The following AADACL4 variants were observed in gnomAD, a reference collection of about 807,000 sequenced individuals.
AADACL4 encodes arylacetamide deacetylase like 4.
AADACL4 carries 9 observed loss-of-function variants against 14.1 expected under a neutral mutation model. The ratio of observed to expected loss-of-function variants is 0.64; its 90% confidence interval spans 0.39 to 1.12. The LOEUF (loss-of-function observed/expected upper bound fraction) is 1.12, where lower values mean the gene tolerates loss of function less well. Ranked by LOEUF, AADACL4 falls within the 50% of genes most tolerant of loss-of-function variation. The pLI, the probability that AADACL4 is intolerant of heterozygous loss-of-function variation, is 0.01. For synonymous variants in AADACL4, 188 were observed against 201.6 expected, an observed-to-expected ratio of 0.93 and a Z score of 0.57; for missense variants, 531 against 516.1, an observed-to-expected ratio of 1.03 and a Z score of -0.28.
At position 12,651,200 on chromosome 1, in the gene AADACL4, A is replaced by C; in HGVS notation, c.246A>C (p.Lys82Asn). The change falls in exon 2 of 4, where the codon AAA becomes AAC. Residue 82 changes from lysine (K) to asparagine (N), a missense_variant. By Grantham distance (94) the Lys-to-Asn change is moderately conservative. Transcript: ENST00000376221. ...TTTTACATGATAGCGTGAGAATTAA[A>C]AAGGACCCTGAACTTGTGGTGACCG... ...IRFLHDSVRI[K>N]KDPELVVTDL... 2 of 1,614,240 alleles carry C rather than the reference A, an allele frequency of 1.2e-6. No homozygotes were observed. Among genetic ancestry groups the C allele is most frequent in the Admixed American group, 3.3e-5 (2 of 60,032 alleles).
In AADACL4 at chr1:12,647,666, T is replaced by A. The variant is rs542936505; in HGVS notation, c.168+2952T>A. ...CTTTTTCTTTCTTTCTTTCTTTTTT[T>A]TTTTTTGAGACAGTCTCAGTCTCTT... On this transcript the variant is annotated intron_variant, in intron 1 of 3. Transcript: ENST00000376221. Among the ~76,000 whole-genome samples, 8 of 152,026 alleles carry A rather than the reference T, an allele frequency of 5.3e-5. No homozygotes were observed. In the South Asian group the frequency reaches 1.7e-3, roughly 32 times the overall value.
In AADACL4 at chr1:12,666,223, A is replaced by C; in HGVS notation, c.712A>C (p.Asn238His). 1 of 1,614,226 alleles carries C rather than the reference A, an allele frequency of 6.2e-7. No individual in the cohort carries two copies. The highest frequency in any genetic ancestry group is 1.1e-5 in the South Asian group (1 of 91,082). ...TTTGCAGTTGCCATCCTTTCAGCAG[A>C]ACCAAAATGTCCCATTACTTTCCCG... ...FCLQLPSFQQ[N>H]QNVPLLSRKF... Residue 238 changes from asparagine (N) to histidine (H), a missense_variant, in exon 4 of 4, where the codon AAC becomes CAC. Coordinates refer to ENST00000376221, the MANE Select transcript of AADACL4 (RefSeq NM_001013630.2).
chr1:12,657,744 C>A (rs1247558928), intron 2 of AADACL4, among the ~76,000 whole-genome samples: 3 of 152,032 alleles, frequency 2.0e-5, no homozygotes, highest in Admixed American at 6.5e-5. Flanking sequence ...ATTCTGGGAC[C>A]AAAATGGGTG....
At chr1:12,656,539 C>G (rs1647179918) in intron 2 of AADACL4, among the ~76,000 whole-genome samples, 1 of 152,200 alleles carries the variant, frequency 6.6e-6, no homozygotes, top group Non-Finnish European at 1.5e-5. Context: ...ACTTGGCATT[C>G]CAGAGAACAG....
intron 3 of AADACL4, among the ~76,000 whole-genome samples, chr1:12,662,107 A>AT (rs935320816): frequency 1.3e-5 from 2 of 152,178 alleles, no homozygotes; most frequent in African/African-American, 4.8e-5. Flanking sequence ...GATATTATGG[A>AT]TTTTTCCACA....
chr1:12,651,254 GCTGTTCCA>G lies in AADACL4; in HGVS notation c.301_308del (p.Leu101AlafsTer40). ...TGCGTTTTGGGACGATACCCGTGAG[GCTGTTCCA>G]GCCGAAGGCAGCATCCTCCAGACCC... On this transcript the variant is annotated frameshift_variant, in exon 2 of 4. Coordinates refer to ENST00000376221, the MANE Select transcript of AADACL4 (RefSeq NM_001013630.2). LOFTEE classifies it high-confidence loss of function. The G allele has an allele frequency of 6.2e-7, 1 of 1,614,224 alleles. No homozygotes were observed. The highest frequency in any genetic ancestry group is 1.7e-5 in the Admixed American group (1 of 60,026).
chr1:12,651,621 T>C (rs953585042), intron 2 of AADACL4, among the ~76,000 whole-genome samples: 17 of 152,140 alleles, frequency 1.1e-4, no homozygotes, highest in African/African-American at 4.1e-4. Flanking sequence ...GACTCCTCTC[T>C]CCCCTTTCTA....
rs1487579652 is a variant in AADACL4, at chr1:12,648,388, C to CCTTCCTTCCTTT, written c.169-2732_169-2731insCCTTCCTTTCTT. On this transcript the variant is annotated intron_variant, in intron 1 of 3. Coordinates refer to ENST00000376221, the MANE Select transcript of AADACL4 (RefSeq NM_001013630.2). The stretch of plus-strand genomic sequence containing the variant: ...TCCTTCCTTCCTTCCTTCCTTCCTT[C>CCTTCCTTCCTTT]CTTTCTTTCCTTCTTTCCTTTTTTT... Among the ~76,000 whole-genome samples the CCTTCCTTCCTTT allele has an allele frequency of 1.2e-3, 169 of 146,856 alleles. 1 individual carries two copies. The highest frequency in any genetic ancestry group is 4.1e-3 in the African/African-American group (158 of 38,536).
At chr1:12,665,167 A>G (rs576511854) in intron 3 of AADACL4, among the ~76,000 whole-genome samples, 4 of 152,286 alleles carry the variant, frequency 2.6e-5, no homozygotes, top group African/African-American at 9.6e-5. Context: ...AACTGAGACT[A>G]CAAGTGTGTG....
intron 2 of AADACL4, among the ~76,000 whole-genome samples, chr1:12,654,049 G>T (rs1047497627): frequency 3.9e-5 from 6 of 152,202 alleles, no homozygotes; most frequent in African/African-American, 1.4e-4. Context: ...TAGGGAAATA[G>T]TAGTTCCAGG....
At chr1:12,661,914 A>G in intron 3 of AADACL4, 60 bp downstream of exon 3, 1 of 1,556,254 alleles carries the variant, frequency 6.4e-7, no homozygotes, top group Non-Finnish European at 8.9e-7. Flanking sequence ...GGGTAAGTTC[A>G]TGGGTGATTT....
At chr1:12,651,375 C>A (rs535990641) in intron 2 of AADACL4, 36 bp downstream of exon 2, 5 of 1,603,480 alleles carry the variant, frequency 3.1e-6, no homozygotes, top group African/African-American at 1.3e-5. Context: ...AGAGGAAGGG[C>A]CTCATCTGCA....
intron 3 of AADACL4, among the ~76,000 whole-genome samples, chr1:12,665,478 G>C (rs1647302445): frequency 6.6e-6 from 1 of 152,150 alleles, no homozygotes; most frequent in South Asian, 2.1e-4. Flanking sequence ...ACCCGCCTTG[G>C]CCTCCCAGAG....
At position 12,666,404 on chromosome 1, in the gene AADACL4, G is replaced by A; in HGVS notation, c.893G>A (p.Gly298Asp). 1.2e-6 allele frequency: 2 copies of A among 1,614,154 alleles called. No individual in the cohort carries two copies. The highest frequency in any genetic ancestry group is 1.7e-6 in the Non-Finnish European group (2 of 1,180,036). Reference sequence around the variant, plus strand: ...ATCCCCAAGAAATTTAAGAACAGAGGCTACCAACCCTGGTCTCCCGGCCCT... The same window carrying A: ...ATCCCCAAGAAATTTAAGAACAGAGACTACCAACCCTGGTCTCCCGGCCCT... The part of the protein sequence containing the change: ...DNIPKKFKNR[G>D]YQPWSPGPFN... Residue 298 changes from glycine (G) to aspartate (D), a missense_variant, in exon 4 of 4, where the codon GGC (glycine) becomes GAC (aspartate). Coordinates refer to ENST00000376221, the MANE Select transcript of AADACL4 (RefSeq NM_001013630.2).
At chr1:12,647,813 GC>G (rs983290389) in intron 1 of AADACL4, among the ~76,000 whole-genome samples, 64 of 152,120 alleles carry the variant, frequency 4.2e-4, no homozygotes, top group African/African-American at 1.5e-3. Context: ...CTGCCACCAT[GC>G]CCAGATAACT....
intron 2 of AADACL4, among the ~76,000 whole-genome samples, chr1:12,651,828 ATTT>A (rs34997722): frequency 1.6e-5 from 2 of 124,150 alleles, no homozygotes; most frequent in Non-Finnish European, 1.7e-5. Flanking sequence ...AGCTAGGAGG[ATTT>A]TTTTTTTTTT....
chr1:12,645,417 G>T (rs779669527), intron 1 of AADACL4, among the ~76,000 whole-genome samples: 25 of 151,846 alleles, frequency 1.6e-4, no homozygotes, highest in Non-Finnish European at 3.1e-4. Flanking sequence ...TCTTTTCTGA[G>T]AATTCAAAAA....
At chr1:12,661,350 CAT>C (rs1411956981) in intron 2 of AADACL4, among the ~76,000 whole-genome samples, 2 of 152,208 alleles carry the variant, frequency 1.3e-5, no homozygotes, top group African/African-American at 4.8e-5. Context: ...TCTACGTACT[CAT>C]ATTGACGGAC....
chr1:12,666,905 A>G lies in AADACL4; in HGVS notation c.*170A>G. The G allele has an allele frequency of 3.2e-6, 2 of 628,760 alleles. No individual in the cohort carries two copies. Among genetic ancestry groups the G allele is most frequent in the South Asian group, 2.9e-5 (1 of 34,504 alleles). 38.9% of individuals were successfully genotyped at this position (628,760 alleles called of 1,614,324 possible). On this transcript the variant is annotated 3_prime_UTR_variant, in exon 4 of 4. Transcript: ENST00000376221. The stretch of plus-strand genomic sequence containing the variant: ...TCTTGCTTAGTATTCAAGAAAATCC[A>G]AACTGTGTCTGTTTCCTTCCAGCAC...
Sources: allele counts gnomAD v4.1 joint callset (sites outside exome capture counted in the v4.1 genomes callset), GRCh38; gene constraint gnomAD v4.1.1; transcripts MANE v1.5; gene names NCBI Gene and HGNC (gene_info 2026-07-23, HGNC 2026-07-21).